Variants in ABL1 observed in about 807,000 individuals in gnomAD.
The protein encoded by ABL1 is ABL proto-oncogene 1, non-receptor tyrosine kinase.
Under a neutral mutation model 94.7 loss-of-function variants are expected in ABL1, and 11 were observed. The ratio of observed to expected loss-of-function variants is 0.12; its 90% CI spans 0.07 to 0.19. The LOEUF (loss-of-function observed/expected upper bound fraction) is 0.19, where lower values mean the gene tolerates loss of function less well. ABL1 is among the 10% of genes least tolerant of loss of function. ABL1 has a pLI of 1.00. For missense variants in ABL1, 1,082 were observed against 1,489.4 expected (o/e 0.73, Z 4.50); for synonymous variants, 656 against 622.4 (o/e 1.05, Z -0.80).
At chr9:130,801,856 G>A (rs1830059836) in intron 1 of ABL1, among the ~76,000 whole-genome samples, 1 of 151,840 alleles carries the variant, frequency 6.6e-6, no homozygotes, top group South Asian at 2.1e-4. Context: ...TTTATCTTTG[G>A]TTTTGGAGTA....
intron 1 of ABL1, among the ~76,000 whole-genome samples, chr9:130,753,932 G>A (rs4740202): frequency 0.23 from 35,127 of 151,766 alleles, 5,461 homozygotes; most frequent in East Asian, 0.52. Flanking sequence ...GTCGCTGGGC[G>A]CGGTGGCTCA....
At chr9:130,761,915 G>A (rs1832119785) in intron 1 of ABL1, among the ~76,000 whole-genome samples, 1 of 152,130 alleles carries the variant, frequency 6.6e-6, no homozygotes, top group South Asian at 2.1e-4. Context: ...GGCCGAGGCG[G>A]GTGGATCACC....
At chr9:130,722,977 T>G (rs1437267459) in intron 1 of ABL1, among the ~76,000 whole-genome samples, 1 of 152,172 alleles carries the variant, frequency 6.6e-6, no homozygotes, top group Non-Finnish European at 1.5e-5. Context: ...TGTTGTGAAG[T>G]GTGTTGCAAA....
intron 1 of ABL1, among the ~76,000 whole-genome samples, chr9:130,809,664 G>A (rs1830180567): frequency 6.6e-6 from 1 of 152,154 alleles, no homozygotes; most frequent in South Asian, 2.1e-4. Flanking sequence ...AGGCAGTTAG[G>A]CTGGAAGAAT....
intron 1 of ABL1, among the ~76,000 whole-genome samples, chr9:130,852,881 AG>A (rs1215571587): frequency 6.6e-6 from 1 of 152,224 alleles, no homozygotes; most frequent in Non-Finnish European, 1.5e-5. Flanking sequence ...AAAAATTTAC[AG>A]AAGAACATAT....
chr9:130,859,625 T>C (rs1831031964), intron 3 of ABL1, among the ~76,000 whole-genome samples: 1 of 150,954 alleles, frequency 6.6e-6, no homozygotes, highest in African/African-American at 2.4e-5. Context: ...TAAGCTCCGT[T>C]AGGCCTGTCA....
intron 1 of ABL1, among the ~76,000 whole-genome samples, chr9:130,827,082 A>G (rs1054262896): frequency 2.0e-5 from 3 of 152,178 alleles, no homozygotes; most frequent in Non-Finnish European, 4.4e-5. Flanking sequence ...CGCCTCAGAA[A>G]AAAAAAAGAA....
At chr9:130,775,167 A>G (rs749692113) in intron 1 of ABL1, among the ~76,000 whole-genome samples, 4 of 152,198 alleles carry the variant, frequency 2.6e-5, no homozygotes, top group Non-Finnish European at 5.9e-5. Context: ...CTTGGACTAT[A>G]TCTATCTTTT....
At chr9:130,830,710 C>T (rs1244940262), upstream of ABL1, among the ~76,000 whole-genome samples, 1 of 152,168 alleles carries the variant, frequency 6.6e-6, no homozygotes, top group East Asian at 1.9e-4. Context: ...TACTGTTTAT[C>T]GAGCACCTTC....
intron 1 of ABL1, among the ~76,000 whole-genome samples, chr9:130,777,049 A>C (rs551124556): frequency 2.0e-5 from 3 of 152,144 alleles, no homozygotes; most frequent in Non-Finnish European, 4.4e-5. Context: ...TATTTAAAAA[A>C]TCCTTCTCCT....
At chr9:130,844,549 A>G (rs1406076605) in intron 1 of ABL1, among the ~76,000 whole-genome samples, 1 of 151,964 alleles carries the variant, frequency 6.6e-6, no homozygotes, top group Admixed American at 6.6e-5. Flanking sequence ...ATCTTCAGAA[A>G]GGTTAATATT....
chr9:130,826,198 G>A (rs2132885555), intron 1 of ABL1, among the ~76,000 whole-genome samples: 1 of 151,296 alleles, frequency 6.6e-6, no homozygotes, highest in Non-Finnish European at 1.5e-5. Context: ...TCGGCTCACT[G>A]CAACCTCCAC....
In ABL1 at chr9:130,885,698, C is replaced by A. The variant is rs189060891; in HGVS notation, c.*15C>A. On this transcript the variant is annotated 3_prime_UTR_variant, in exon 11 of 11. Transcript: ENST00000318560. The stretch of plus-strand genomic sequence containing the variant: ...TGCAGAGGTAGCAGCAGTCAGGGGT[C>A]AGGTGTCAGGCCCGTCGGAGCTGCC... 1.2e-6 allele frequency: 2 copies of A among 1,600,200 alleles called. No individual in the cohort carries two copies. Among genetic ancestry groups the A allele is most frequent in the Admixed American group, 1.7e-5 (1 of 59,290 alleles).
At chr9:130,876,733 CTTTTTT>C (rs755840936) in intron 7 of ABL1, among the ~76,000 whole-genome samples, 4 of 83,230 alleles carry the variant, frequency 4.8e-5, no homozygotes, top group African/African-American at 1.0e-4. Flanking sequence ...AAGTTGGTTT[CTTTTTT>C]TTTTTTTTTT....
At position 130,814,645 on chromosome 9, in the gene ABL1, A is replaced by G. The variant is rs903444259; in HGVS notation, c.137-39419A>G. Among the ~76,000 whole-genome samples, 1 of 152,208 alleles carries G rather than the reference A, an allele frequency of 6.6e-6. No homozygotes were observed. Among genetic ancestry groups the G allele is most frequent in the Non-Finnish European group, 1.5e-5 (1 of 68,026 alleles). ...GTAATCCCAGCACTTTGGTAGGCCG[A>G]GGTGGGCGGATCACGAGGTCAGGAG... On this transcript the variant is annotated intron_variant, in intron 1 of 10. Coordinates refer to the ABL1 transcript ENST00000372348. This position sits in a 1 kb window ranked among gnomAD's most constrained non-coding sequence, Gnocchi z 4.4.
Position 130,862,132 on chromosome 9 carries a change from A to G in ABL1, c.550-631A>G, listed in dbSNP as rs35550243. Among the ~76,000 whole-genome samples, 5,981 of 152,298 alleles carry G rather than the reference A, an allele frequency of 0.039. 212 individuals carry two copies. Among genetic ancestry groups the G allele is most frequent in the South Asian group, 0.1 (492 of 4,822 alleles). On this transcript the variant is annotated intron_variant, in intron 3 of 10. Coordinates refer to ENST00000318560, the MANE Select transcript of ABL1 (RefSeq NM_005157.6). The surrounding 1 kb of genome is among the most constrained non-coding windows in gnomAD (Gnocchi z 5.5). ...TCTAGGTTTATCCCCTTTAAATTAT[A>G]AATTAAATGAATTCTTCGCTTTTCC...
intron 1 of ABL1, among the ~76,000 whole-genome samples, chr9:130,841,029 G>A (rs1830661986): frequency 6.6e-6 from 1 of 152,132 alleles, no homozygotes; most frequent in African/African-American, 2.4e-5. Flanking sequence ...TCTGGAACAG[G>A]GGTGTCCAAT....
chr9:130,737,852 A>T (rs1831764670), intron 1 of ABL1, among the ~76,000 whole-genome samples: 1 of 136,904 alleles, frequency 7.3e-6, no homozygotes, highest in Non-Finnish European at 1.6e-5. Context: ...TTTTTTTGAG[A>T]CAGAGTCTCA....
chr9:130,769,000 C>T (rs887780528), intron 1 of ABL1, among the ~76,000 whole-genome samples: 7 of 151,956 alleles, frequency 4.6e-5, no homozygotes, highest in African/African-American at 1.7e-4. Flanking sequence ...AAAGGTCTGT[C>T]GATAGTGGTT....
Sources: allele counts gnomAD v4.1 joint callset (sites outside exome capture counted in the v4.1 genomes callset), GRCh38; gene constraint gnomAD v4.1.1; non-coding constraint Gnocchi (gnomAD v3.1); transcripts MANE v1.5; gene names NCBI Gene and HGNC (gene_info 2026-07-23, HGNC 2026-07-21).